Variants in ZNRF1 observed in about 807,000 individuals in gnomAD.
The protein encoded by ZNRF1 is zinc and ring finger 1.
A neutral mutation model predicts 18.4 loss-of-function variants in ZNRF1; 3 were observed. The observed-to-expected ratio is 0.16, with a 90% CI of 0.07 to 0.42. The LOEUF is 0.42. Among genes scored for constraint, ZNRF1 ranks in the 10% least tolerant of loss-of-function variants. The probability of loss-of-function intolerance (pLI) is 0.99; values close to 1 mark genes in which losing one functional copy is unlikely to be tolerated. For missense variants in ZNRF1, 310 were observed against 329.8 expected, an observed-to-expected ratio of 0.94 and a Z score of 0.47; for synonymous variants, 157 against 144.2, an observed-to-expected ratio of 1.09 and a Z score of -0.64.
Position 75,108,026 on chromosome 16 carries a change from A to C in ZNRF1, c.*326A>C, listed in dbSNP as rs1302208382. Reference sequence around the variant, plus strand: ...TTACAAAAAAAAATTATATAAAAAAAAAGTCTAGTGTCGACTGGTGTTTTC... The same window carrying C: ...TTACAAAAAAAAATTATATAAAAAACAAGTCTAGTGTCGACTGGTGTTTTC... On this transcript the variant is annotated 3_prime_UTR_variant, in exon 5 of 5. Transcript: ENST00000335325. The C allele has an allele frequency of 3.1e-6, 1 of 318,914 alleles. No homozygotes were observed. The highest frequency in any genetic ancestry group is 6.1e-6 in the Non-Finnish European group (1 of 162,668). The allele number at this position is 318,914 out of a possible 1,614,324, so 19.8% of individuals were successfully genotyped here.
At chr16:75,041,477 A>G (rs2035446235) in intron 1 of ZNRF1, among the ~76,000 whole-genome samples, 1 of 151,906 alleles carries the variant, frequency 6.6e-6, no homozygotes, top group Non-Finnish European at 1.5e-5. Context: ...CTACGTGTGC[A>G]TGCCGCCATA....
chr16:75,024,002 C>A lies in ZNRF1; in HGVS notation c.424+23907C>A, dbSNP rs2035189374. Among the ~76,000 whole-genome samples, 4 of 151,678 alleles carry A rather than the reference C, an allele frequency of 2.6e-5. No individual in the cohort carries two copies. In the South Asian group the frequency reaches 8.3e-4, roughly 32 times the overall value. On this transcript the variant is annotated intron_variant, in intron 1 of 4. Transcript: ENST00000335325. ...TCTCCTGACTCAGCCTCCCCAGTAG[C>A]TAGGACTACAGGTGCGTGCCACCAC...
At chr16:75,002,070 A>C (rs2034858220) in intron 1 of ZNRF1, among the ~76,000 whole-genome samples, 2 of 152,328 alleles carry the variant, frequency 1.3e-5, no homozygotes, top group African/African-American at 4.8e-5. Flanking sequence ...GAGCATACCT[A>C]CTAAATGCTG....
At chr16:75,002,510 A>G (rs973284601) in intron 1 of ZNRF1, 51 of 152,332 alleles carry the variant, frequency 3.3e-4, no homozygotes, top group African/African-American at 1.2e-3. Flanking sequence ...CTTCATGGGC[A>G]CAGAAAACAG....
Position 74,999,995 on chromosome 16 carries a change from C to T in ZNRF1, c.324C>T (p.Gly108=). Residue 108 remains glycine, a synonymous_variant, in exon 1 of 5, where the codon GGC becomes GGT. Coordinates refer to ENST00000335325, the MANE Select transcript of ZNRF1 (RefSeq NM_032268.5). ...AHGNGYQETG[G]GHHRDGMLYL... is the part of the protein sequence containing the mutation. The stretch of plus-strand genomic sequence containing the variant: ...GCAATGGTTACCAGGAGACGGGCGG[C>T]GGTCACCATAGAGACGGGATGCTGT... 6.3e-7 allele frequency: 1 copy of T among 1,586,270 alleles called. No homozygotes were observed. Among genetic ancestry groups the T allele is most frequent in the Non-Finnish European group, 8.6e-7 (1 of 1,167,400 alleles).
chr16:75,104,921 C>G, intron 3 of ZNRF1, 32 bp downstream of exon 3: 1 of 1,528,094 alleles, frequency 6.5e-7, no homozygotes, highest in South Asian at 1.2e-5. Context: ...GCTTAGTGCA[C>G]CCCACCTCCC....
chr16:75,022,800 A>G (rs969332277), intron 1 of ZNRF1, among the ~76,000 whole-genome samples: 6 of 152,200 alleles, frequency 3.9e-5, no homozygotes, highest in African/African-American at 1.4e-4. Flanking sequence ...TATAGTACAG[A>G]GAGAATCGGT....
At chr16:75,054,009 C>T (rs568077080) in intron 1 of ZNRF1, among the ~76,000 whole-genome samples, 41 of 152,326 alleles carry the variant, frequency 2.7e-4, no homozygotes, top group African/African-American at 8.9e-4. Context: ...TGTGTCTTCC[C>T]CTTCAGGGAA....
intron 1 of ZNRF1, among the ~76,000 whole-genome samples, chr16:75,090,637 C>G (rs1275216814): frequency 6.6e-6 from 1 of 152,170 alleles, no homozygotes; most frequent in East Asian, 1.9e-4. Context: ...TTTTAAGTGA[C>G]ATGCTCAGAT....
intron 1 of ZNRF1, among the ~76,000 whole-genome samples, chr16:75,028,157 A>G (rs1270643106): frequency 6.6e-6 from 1 of 152,154 alleles, no homozygotes; most frequent in Non-Finnish European, 1.5e-5. Flanking sequence ...TCTCTGCTAA[A>G]TATTACCGCT....
chr16:75,031,450 A>G (rs960889246), intron 1 of ZNRF1, among the ~76,000 whole-genome samples: 2 of 151,584 alleles, frequency 1.3e-5, no homozygotes, highest in African/African-American at 4.8e-5. Flanking sequence ...TTGTGTAGAC[A>G]TTTTCTTGTT....
rs1305238548 is a variant in ZNRF1 at position 75,109,603 on chromosome 16, T to C, written c.*1903T>C. 6.5e-6 allele frequency: 1 copy of C among 152,716 alleles called. No homozygotes were observed. Among genetic ancestry groups the C allele is most frequent in the African/African-American group, 2.4e-5 (1 of 41,470 alleles). The allele number at this position is 152,716 out of a possible 1,614,324, so 9.5% of individuals were successfully genotyped here. ...CCTGGGTCTCAGCGCGGGACCCGTC[T>C]GGGGTGAAGACCTTGGGGCTGTTGT... On this transcript the variant is annotated 3_prime_UTR_variant, in exon 5 of 5. Transcript: ENST00000335325.
Position 75,032,765 on chromosome 16 carries a change from A to G in ZNRF1, c.424+32670A>G, listed in dbSNP as rs561518040. Among the ~76,000 whole-genome samples, 9 of 152,300 alleles carry G rather than the reference A, an allele frequency of 5.9e-5. No individual in the cohort carries two copies. The South Asian group carries it at 1.4e-3, about 25-fold the overall frequency. The stretch of plus-strand genomic sequence containing the variant: ...GGACCAGATGCAGTAGCTCATGCCT[A>G]TAATACCAGCACTTTGGGAGGCCAA... On this transcript the variant is annotated intron_variant, in intron 1 of 4. Transcript: ENST00000335325.
At chr16:75,028,825 C>T (rs1051581040) in intron 1 of ZNRF1, among the ~76,000 whole-genome samples, 2 of 152,190 alleles carry the variant, frequency 1.3e-5, no homozygotes, top group Non-Finnish European at 2.9e-5. Flanking sequence ...CTGGTCATTT[C>T]CTTCCCCTTG....
chr16:75,028,955 C>T (rs1015853426), intron 1 of ZNRF1, among the ~76,000 whole-genome samples: 8 of 152,182 alleles, frequency 5.3e-5, no homozygotes, highest in African/African-American at 1.9e-4. Context: ...TGTTGAAAGG[C>T]ACGAAGGCTT....
intron 2 of ZNRF1, among the ~76,000 whole-genome samples, chr16:75,100,191 C>G (rs1472498926): frequency 1.3e-5 from 2 of 152,172 alleles, no homozygotes; most frequent in African/African-American, 4.8e-5. Flanking sequence ...GGTTGGGGTG[C>G]CTGCACATTT....
intron 1 of ZNRF1, among the ~76,000 whole-genome samples, chr16:75,038,837 T>C (rs2035406474): frequency 6.6e-6 from 1 of 152,186 alleles, no homozygotes; most frequent in East Asian, 1.9e-4. Context: ...ATAAGAGAAA[T>C]TGAAAATAAT....
At chr16:75,022,864 C>T (rs907895795) in intron 1 of ZNRF1, among the ~76,000 whole-genome samples, 1 of 152,136 alleles carries the variant, frequency 6.6e-6, no homozygotes, top group East Asian at 1.9e-4. Context: ...TGCTGAGAGT[C>T]TAGGAGGTTC....
chr16:75,064,406 A>G (rs2035777944), intron 1 of ZNRF1, among the ~76,000 whole-genome samples: 1 of 151,872 alleles, frequency 6.6e-6, no homozygotes, highest in Non-Finnish European at 1.5e-5. Context: ...AAATACAAAA[A>G]TTAGCCAGGC....
Sources: allele counts gnomAD v4.1 joint callset (sites outside exome capture counted in the v4.1 genomes callset), GRCh38; gene constraint gnomAD v4.1.1; transcripts MANE v1.5; gene names NCBI Gene and HGNC (gene_info 2026-07-23, HGNC 2026-07-21).